The following HUNK variants were observed in gnomAD, a reference collection of about 807,000 sequenced individuals.
HUNK encodes the protein hormonally up-regulated Neu-associated kinase.
Under a neutral mutation model 61.0 loss-of-function variants are expected in HUNK, and 21 were observed. That is an observed-to-expected ratio of 0.34 (90% CI 0.24 to 0.50). The LOEUF (loss-of-function observed/expected upper bound fraction) is 0.50. Among genes scored for constraint, HUNK ranks in the 20% least tolerant of loss-of-function variants. HUNK has a pLI of 0.98. For synonymous variants in HUNK, 371 were observed against 386.1 expected (o/e 0.96, Z 0.46); for missense variants, 772 against 945.7 (o/e 0.82, Z 2.41).
At chr21:31,980,327 C>T (rs950494510) in intron 7 of HUNK, among the ~76,000 whole-genome samples, 2 of 151,232 alleles carry the variant, frequency 1.3e-5, no homozygotes, top group African/African-American at 2.4e-5. Context: ...GCATCGGCCT[C>T]CCAAAGTGCT....
In HUNK at chr21:31,903,665, G is replaced by T. The variant is rs187187918; in HGVS notation, c.262-20803G>T. ...GAATTGTCTGTGTGACTCTAGGCAA[G>T]TCCCCAAACCTCTATTAAATAAAAT... On this transcript the variant is annotated intron_variant, in intron 1 of 10. Coordinates refer to ENST00000270112, the MANE Select transcript of HUNK (RefSeq NM_014586.2). Among the ~76,000 whole-genome samples, 1,271 of 152,324 alleles carry T rather than the reference G, an allele frequency of 8.3e-3. 14 individuals carry two copies. Among genetic ancestry groups the T allele is most frequent in the Non-Finnish European group, 0.011 (772 of 68,022 alleles).
At position 31,903,450 on chromosome 21, in the gene HUNK, G is replaced by T. The variant is rs1568920994; in HGVS notation, c.262-21018G>T. Among the ~76,000 whole-genome samples the T allele has an allele frequency of 2.0e-5, 3 of 151,594 alleles. No individual in the cohort carries two copies. In the East Asian group the frequency reaches 5.8e-4, roughly 29 times the overall value. Reference sequence around the variant, plus strand: ...TGGAATAGTAAAAAATGTTCGCTAGGTACTAAAAATACTGTGGAGTTGAAA... The same window carrying T: ...TGGAATAGTAAAAAATGTTCGCTAGTTACTAAAAATACTGTGGAGTTGAAA... On this transcript the variant is annotated intron_variant, in intron 1 of 10. Transcript: ENST00000270112.
In HUNK at chr21:31,998,931, C is replaced by G. The variant is rs959813017; in HGVS notation, c.1892C>G (p.Pro631Arg). 1.2e-6 allele frequency: 2 copies of G among 1,614,222 alleles called. No homozygotes were observed. Among genetic ancestry groups the G allele is most frequent in the African/African-American group, 1.3e-5 (1 of 75,062 alleles). The change falls in exon 11 of 11, where the codon CCA (proline) becomes CGA (arginine). Residue 631 changes from proline to arginine, a missense_variant. Physicochemically the swap from Pro to Arg is moderately radical, Grantham distance 103. Coordinates refer to ENST00000270112, the MANE Select transcript of HUNK (RefSeq NM_014586.2). ...SFAHEDKNSP[P>R]KEEGLCCPPP... ...GCTCACGAAGATAAGAACAGCCCCCCAAAAGAGGAGGGCCTGTGTTGCCCA... is the reference window on the plus strand; with the variant it reads ...GCTCACGAAGATAAGAACAGCCCCCGAAAAGAGGAGGGCCTGTGTTGCCCA...
At chr21:31,978,114 G>C (rs1676767519) in intron 7 of HUNK, among the ~76,000 whole-genome samples, 1 of 152,200 alleles carries the variant, frequency 6.6e-6, no homozygotes, top group Non-Finnish European at 1.5e-5. Flanking sequence ...GTGTGGCTTT[G>C]TCATCTGAGA....
chr21:31,976,284 A>G (rs1048241606), intron 7 of HUNK, among the ~76,000 whole-genome samples: 10 of 152,058 alleles, frequency 6.6e-5, no homozygotes, highest in African/African-American at 2.4e-4. Context: ...GAAAGACAGG[A>G]CTTTCAACAT....
At chr21:31,934,629 C>T (rs1319797565) in intron 2 of HUNK, among the ~76,000 whole-genome samples, 1 of 152,060 alleles carries the variant, frequency 6.6e-6, no homozygotes, top group Non-Finnish European at 1.5e-5. Flanking sequence ...TAGTACCCAA[C>T]GGGTAGTTTT....
chr21:31,898,877 T>G (rs1211491338), intron 1 of HUNK, among the ~76,000 whole-genome samples: 3 of 152,192 alleles, frequency 2.0e-5, no homozygotes, highest in Non-Finnish European at 4.4e-5. Context: ...CCACAAAGCA[T>G]CCGATCAATA....
At chr21:31,923,574 C>A (rs866776393) in intron 1 of HUNK, among the ~76,000 whole-genome samples, 1 of 62,994 alleles carries the variant, frequency 1.6e-5, no homozygotes, top group African/African-American at 6.2e-5. Context: ...AGGAAGGAAG[C>A]GAGGGAGGGA....
chr21:31,940,261 G>A (rs114747218), intron 3 of HUNK, 41 bp downstream of exon 3: 1 of 1,273,032 alleles, frequency 7.9e-7, no homozygotes, highest in Admixed American at 2.0e-5. Flanking sequence ...TATCTTTTAA[G>A]TGTTGTGTTG....
chr21:31,954,049 A>C (rs1199460151), intron 4 of HUNK, among the ~76,000 whole-genome samples: 1 of 152,204 alleles, frequency 6.6e-6, no homozygotes, highest in Non-Finnish European at 1.5e-5. Context: ...TGTTGAAGCC[A>C]GTTGGTGACA....
intron 1 of HUNK, among the ~76,000 whole-genome samples, chr21:31,892,569 GAAA>G (rs10562491): frequency 4.6e-4 from 47 of 103,040 alleles, no homozygotes; most frequent in East Asian, 1.8e-3. Context: ...GACTCTCTCT[GAAA>G]AAAAAAAAAA....
chr21:31,940,066 A>G (rs2052759536), intron 2 of HUNK, 99 bp from the exon 3 acceptor site: 2 of 858,322 alleles, frequency 2.3e-6, no homozygotes, highest in Admixed American at 2.7e-5. Context: ...GGTTGGTTAG[A>G]AGTGGCTCTA....
At position 31,882,444 on chromosome 21, in the gene HUNK, C is replaced by G. The variant is rs552723697; in HGVS notation, c.261+8509C>G. Among the ~76,000 whole-genome samples, 15 of 152,310 alleles carry G rather than the reference C, an allele frequency of 9.8e-5. No homozygotes were observed. The East Asian group carries it at 2.3e-3, about 24-fold the overall frequency. On this transcript the variant is annotated intron_variant, in intron 1 of 10. Transcript: ENST00000270112. ...ATCTTCTCGTGAGAGGTCACTCCTCCTTCTAGTCCTTGTGTATCCCTCCAG... is the reference window on the plus strand; with the variant it reads ...ATCTTCTCGTGAGAGGTCACTCCTCGTTCTAGTCCTTGTGTATCCCTCCAG...
At chr21:31,874,085 C>T in intron 1 of HUNK, 150 bp downstream of exon 1, 1 of 539,402 alleles carries the variant, frequency 1.9e-6, no homozygotes, top group Non-Finnish European at 2.8e-6. Context: ...GGTTAAAACG[C>T]GCGCTCAGCA....
intron 5 of HUNK, among the ~76,000 whole-genome samples, chr21:31,964,892 C>T (rs979849620): frequency 6.6e-6 from 1 of 152,160 alleles, no homozygotes; most frequent in Non-Finnish European, 1.5e-5. Flanking sequence ...TTTGAAAAAG[C>T]CTGGCCTGTT....
intron 1 of HUNK, among the ~76,000 whole-genome samples, chr21:31,909,416 G>A (rs181810857): frequency 2.6e-5 from 4 of 152,266 alleles, no homozygotes; most frequent in Non-Finnish European, 5.9e-5. Context: ...GGCGTGGGAG[G>A]GTTTCCCAGC....
At chr21:31,977,599 G>A (rs2053059109) in intron 7 of HUNK, among the ~76,000 whole-genome samples, 1 of 152,178 alleles carries the variant, frequency 6.6e-6, no homozygotes, top group Admixed American at 6.5e-5. Flanking sequence ...AGAGATACAA[G>A]CTTTTGTGAT....
At chr21:31,919,020 TGGACTGAGC>T (rs2052604661) in intron 1 of HUNK, among the ~76,000 whole-genome samples, 3 of 139,346 alleles carry the variant, frequency 2.2e-5, no homozygotes, top group Non-Finnish European at 3.1e-5. Flanking sequence ...GAGGAGGGGC[TGGACTGAGC>T]GGTATGAGGA....
At chr21:31,955,928 GT>G (rs1346039846) in intron 4 of HUNK, among the ~76,000 whole-genome samples, 1 of 152,170 alleles carries the variant, frequency 6.6e-6, no homozygotes, top group African/African-American at 2.4e-5. Context: ...TCTTGGTTTT[GT>G]TTTTTCCTCC....
Sources: allele counts gnomAD v4.1 joint callset (sites outside exome capture counted in the v4.1 genomes callset), GRCh38; gene constraint gnomAD v4.1.1; transcripts MANE v1.5; gene names NCBI Gene and HGNC (gene_info 2026-07-23, HGNC 2026-07-21).